TRMT11: variants seen among roughly 807,000 people sequenced by gnomAD.
The protein encoded by TRMT11 is tRNA methyltransferase 11, also known as tRNA (guanine(10)-N(2))-methyltransferase TRMT11.
In TRMT11, 53 loss-of-function variants were observed where a neutral mutation model predicts 62.8. The ratio of observed to expected loss-of-function variants is 0.84; its 90% confidence interval spans 0.68 to 1.06. The LOEUF is 1.06. Among genes scored for constraint, TRMT11 ranks in the 50% least tolerant of loss-of-function variants. The pLI, the probability that TRMT11 is intolerant of heterozygous loss-of-function variation, is 0.00. For synonymous variants in TRMT11, 188 were observed against 190.3 expected, an observed-to-expected ratio of 0.99 and a Z score of 0.10; for missense variants, 556 against 553.4, an observed-to-expected ratio of 1.00 and a Z score of -0.05.
chr6:126,271,256 CAG>C, the TRMT11 span, among the ~76,000 whole-genome samples: 1 of 149,114 alleles, frequency 6.7e-6, no homozygotes, highest in Non-Finnish European at 1.5e-5. Flanking sequence ...CCCAGCTACT[CAG>C]GGGGCTGAGG....
At chr6:126,069,456 C>CT (rs959104940) in intron 17 of TRMT11, among the ~76,000 whole-genome samples, 3 of 152,190 alleles carry the variant, frequency 2.0e-5, no homozygotes, top group East Asian at 1.9e-4. Flanking sequence ...GTTTTCTTTT[C>CT]TTTTTTTTCT....
intron 17 of TRMT11, among the ~76,000 whole-genome samples, chr6:126,061,453 C>A (rs890727932): frequency 1.3e-5 from 2 of 151,962 alleles, no homozygotes; most frequent in African/African-American, 4.8e-5. Context: ...ATTTGTCTTG[C>A]CTCTCAGTAA....
At position 126,151,863 on chromosome 6, in the gene TRMT11, T is replaced by TTTCTTTCTTTCTTTCCTTCC. The variant is rs1323998793; in HGVS notation, c.*1824-22959_*1824-22958insTTTCTTTCTTTCCTTCCTTC. Among the ~76,000 whole-genome samples the TTTCTTTCTTTCTTTCCTTCC allele has an allele frequency of 6.0e-4, 76 of 126,416 alleles. 2 individuals are homozygous for TTTCTTTCTTTCTTTCCTTCC. Among genetic ancestry groups the TTTCTTTCTTTCTTTCCTTCC allele is most frequent in the African/African-American group, 2.3e-3 (71 of 30,230 alleles). The allele number at this position is 126,416 out of a possible 152,430, so 82.9% of individuals were successfully genotyped here. On this transcript the variant is annotated intron_variant and NMD_transcript_variant, in intron 21 of 22. Transcript: ENST00000648977. ...CTTTCTTTCTTTCTTTCTTTCTTTC[T>TTTCTTTCTTTCTTTCCTTCC]TTCCTTCTTTCTCCTTCCTTCCTTG... is the stretch of plus-strand genomic sequence containing the variant.
At chr6:126,078,414 G>A (rs1414853988) in intron 17 of TRMT11, among the ~76,000 whole-genome samples, 1 of 147,708 alleles carries the variant, frequency 6.8e-6, no homozygotes, top group African/African-American at 2.5e-5. Context: ...TTTTTTTTGA[G>A]TTGGACTCAG....
At chr6:125,995,194 T>A (rs906523679) in intron 2 of TRMT11, among the ~76,000 whole-genome samples, 7 of 152,156 alleles carry the variant, frequency 4.6e-5, no homozygotes, top group African/African-American at 1.7e-4. Context: ...TTGCAAAAGA[T>A]GAAAGAGCTA....
intron 17 of TRMT11, among the ~76,000 whole-genome samples, chr6:126,080,565 A>C (rs2128156182): frequency 6.6e-6 from 1 of 152,260 alleles, no homozygotes; most frequent in Middle Eastern, 3.4e-3. Flanking sequence ...AGTAAATACT[A>C]TAAATCTTCA....
chr6:126,090,187 TAC>T (rs779353779), intron 17 of TRMT11, among the ~76,000 whole-genome samples: 9 of 152,238 alleles, frequency 5.9e-5, no homozygotes, highest in Non-Finnish European at 7.3e-5. Context: ...CTTGCTCTTT[TAC>T]AGTTTTCACA....
intron 17 of TRMT11, among the ~76,000 whole-genome samples, chr6:126,073,455 CT>C (rs561136763): frequency 1.9e-4 from 28 of 148,984 alleles, no homozygotes; most frequent in African/African-American, 4.4e-4. Context: ...GGGAAAATTA[CT>C]TTTTTTTTTA....
intron 1 of TRMT11, among the ~76,000 whole-genome samples, chr6:125,991,696 A>G (rs1790658618): frequency 6.6e-6 from 1 of 152,250 alleles, no homozygotes; most frequent in Non-Finnish European, 1.5e-5. Flanking sequence ...CTACTGCATT[A>G]GAACTGATAA....
intron 21 of TRMT11, among the ~76,000 whole-genome samples, chr6:126,156,859 C>A (rs893085529): frequency 7.2e-5 from 11 of 152,170 alleles, no homozygotes; most frequent in African/African-American, 2.7e-4. Flanking sequence ...GCCCCATCTC[C>A]AACATTGGAG....
chr6:126,109,702 G>A (rs1208626108), intron 17 of TRMT11, among the ~76,000 whole-genome samples: 2 of 152,166 alleles, frequency 1.3e-5, no homozygotes, highest in Non-Finnish European at 2.9e-5. Flanking sequence ...TAAGTATCAG[G>A]ATCAGTCATG....
chr6:125,998,290 A>G lies in TRMT11; in HGVS notation c.362A>G (p.Gln121Arg), dbSNP rs1791928744. The change falls in exon 5 of 13, where the codon CAA (glutamine) becomes CGA (arginine). Residue 121 changes from glutamine (Q) to arginine (R), a missense_variant. Transcript: ENST00000334379. ...CACACTTTTAATAAGACATTGACAC[A>G]AGAAGAGAAAATCAAGCGAATAGAT... ...KIHTFNKTLT[Q>R]EEKIKRIDAL... 2 of 1,599,774 alleles carry G rather than the reference A, an allele frequency of 1.3e-6. No homozygotes were observed. Among genetic ancestry groups the G allele is most frequent in the Non-Finnish European group, 1.7e-6 (2 of 1,168,080 alleles).
At chr6:126,184,306 A>G (rs1398613792) in intron 1 of TRMT11, among the ~76,000 whole-genome samples, 1 of 152,156 alleles carries the variant, frequency 6.6e-6, no homozygotes, top group African/African-American at 2.4e-5. Context: ...AGGGTATATT[A>G]TATGTGTTCT....
rs1432277445 is a variant in TRMT11, at chr6:125,999,527, G to T, written c.593G>T (p.Ser198Ile). 1 of 1,612,050 alleles carries T rather than the reference G, an allele frequency of 6.2e-7. No homozygotes were observed. The highest frequency in any genetic ancestry group is 8.5e-7 in the Non-Finnish European group (1 of 1,178,824). Residue 198 changes from serine to isoleucine, a missense_variant, in exon 7 of 13, where the codon AGT (serine) becomes ATT (isoleucine). Transcript: ENST00000334379. ...AAGAGACACTTTATTGGAAATACAA[G>T]TATGGATGCTGGTTTGTCATTCATT... is the stretch of plus-strand genomic sequence containing the variant. The part of the protein sequence containing the change: ...VKKRHFIGNT[S>I]MDAGLSFIMA...
intron 1 of TRMT11, among the ~76,000 whole-genome samples, chr6:126,192,506 C>T (rs768353091): frequency 6.6e-6 from 1 of 152,070 alleles, no homozygotes; most frequent in Non-Finnish European, 1.5e-5. Flanking sequence ...AAGTGGGCAT[C>T]CTTGTCTTTT....
Position 126,008,526 on chromosome 6 carries a change from CT to C in TRMT11, c.760+57del. ...GTCATTGCTGTGGTGCCAAATGTAC[CT>C]TTAAACATACAGTTGACCCTGGAAG... On this transcript the variant is annotated intron_variant, in intron 8 of 12. Transcript: ENST00000334379. 3.5e-6 allele frequency: 5 copies of C among 1,431,234 alleles called. No homozygotes were observed. The South Asian group carries it at 5.7e-5, about 16-fold the overall frequency. The allele number at this position is 1,431,234 out of a possible 1,614,324, so 88.7% of individuals were successfully genotyped here. A position where few individuals can be genotyped will look rare whatever the true frequency, so the allele number is the denominator to read the frequency against.
upstream of TRMT11, among the ~76,000 whole-genome samples, chr6:126,172,964 G>T (rs1025650359): frequency 6.6e-6 from 1 of 152,180 alleles, no homozygotes; most frequent in Admixed American, 6.5e-5. Context: ...GTGAACCGGG[G>T]TGTAAGAAGG....
chr6:126,050,436 C>T (rs866325211), intron 16 of TRMT11, among the ~76,000 whole-genome samples: 1 of 151,922 alleles, frequency 6.6e-6, no homozygotes, highest in African/African-American at 2.4e-5. Flanking sequence ...GTTGCAGTGG[C>T]TCACGCCTGT....
At chr6:126,173,484 A>G (rs1259027748), upstream of TRMT11, among the ~76,000 whole-genome samples, 1 of 152,196 alleles carries the variant, frequency 6.6e-6, no homozygotes, top group Non-Finnish European at 1.5e-5. Flanking sequence ...GTCCTGCTAC[A>G]GTTACCGGAG....
Sources: gnomAD v4.1 joint callset for allele counts (sites outside exome capture counted in the v4.1 genomes callset) on GRCh38, gnomAD v4.1.1 for gene constraint, MANE v1.5 for transcripts, NCBI Gene and HGNC (gene_info 2026-07-23, HGNC 2026-07-21) for gene names.